DHX35: variants seen among roughly 807,000 people sequenced by gnomAD.
DHX35 encodes probable ATP-dependent RNA helicase DHX35.
A neutral mutation model predicts 99.6 loss-of-function variants in DHX35; 84 were observed. That is an observed-to-expected ratio of 0.84 (90% CI 0.71 to 1.01). The LOEUF is 1.01. Ranked by LOEUF, DHX35 falls within the 50% of genes least tolerant of loss-of-function variation. The probability of loss-of-function intolerance (pLI) is 0.00; values close to 1 mark genes in which losing one functional copy is unlikely to be tolerated. For missense variants in DHX35, 852 were observed against 888.5 expected (o/e 0.96, Z 0.52); for synonymous variants, 331 against 316.2 (o/e 1.05, Z -0.50).
intron 8 of DHX35, among the ~76,000 whole-genome samples, chr20:39,000,607 C>G (rs1182174790): frequency 6.6e-6 from 1 of 152,092 alleles, no homozygotes; most frequent in Non-Finnish European, 1.5e-5. Context: ...GTGGTTAAAT[C>G]CAGTTTACTC....
intron 14 of DHX35, among the ~76,000 whole-genome samples, chr20:39,018,050 G>A (rs1444436999): frequency 6.6e-6 from 1 of 152,170 alleles, no homozygotes. Context: ...CATTTACAAA[G>A]CTATCAGATC....
At chr20:38,970,653 C>G (rs1445653502) in intron 2 of DHX35, among the ~76,000 whole-genome samples, 1 of 152,118 alleles carries the variant, frequency 6.6e-6, no homozygotes, top group Non-Finnish European at 1.5e-5. Context: ...ACAGGAGCAC[C>G]TACCTCATAG....
intron 2 of DHX35, among the ~76,000 whole-genome samples, chr20:38,970,500 A>G (rs895305683): frequency 1.8e-4 from 27 of 152,230 alleles, no homozygotes; most frequent in Non-Finnish European, 3.8e-4. Flanking sequence ...CTTTCTCACC[A>G]CTGAGGGACA....
chr20:38,990,922 G>T (rs2086328030), intron 5 of DHX35, among the ~76,000 whole-genome samples: 2 of 152,162 alleles, frequency 1.3e-5, no homozygotes, highest in Non-Finnish European at 2.9e-5. Flanking sequence ...CTTGTCCAAG[G>T]TTCACACAGC....
At position 38,975,379 on chromosome 20, in the gene DHX35, T is replaced by C. The variant is rs79095044; in HGVS notation, c.267+2728T>C. Among the ~76,000 whole-genome samples, 31 of 152,370 alleles carry C rather than the reference T, an allele frequency of 2.0e-4. No individual in the cohort carries two copies. In the East Asian group the frequency reaches 4.2e-3, roughly 21 times the overall value. ...GTTAAATTACTGTGTGATTGTCATT[T>C]AGAGAGTAATATAACAATAGTATAA... On this transcript the variant is annotated intron_variant, in intron 3 of 21. Coordinates refer to ENST00000252011, the MANE Select transcript of DHX35 (RefSeq NM_021931.4).
At chr20:39,022,918 G>A (rs1180726164) in intron 16 of DHX35, among the ~76,000 whole-genome samples, 1 of 152,218 alleles carries the variant, frequency 6.6e-6, no homozygotes, top group Admixed American at 6.5e-5. Context: ...CAGAGAATTA[G>A]CAGCCTTATG....
intron 7 of DHX35, among the ~76,000 whole-genome samples, chr20:38,993,310 TA>T (rs1905544417): frequency 6.6e-6 from 1 of 152,200 alleles, no homozygotes; most frequent in African/African-American, 2.4e-5. Context: ...TAGAAGAAAG[TA>T]AAAAAATTCA....
At chr20:39,009,420 T>C (rs1232316538) in intron 12 of DHX35, among the ~76,000 whole-genome samples, 5 of 152,144 alleles carry the variant, frequency 3.3e-5, no homozygotes, top group East Asian at 3.8e-4. Flanking sequence ...TTTTTTTTTT[T>C]TCCTCTAGTT....
intron 15 of DHX35, among the ~76,000 whole-genome samples, 178 bp downstream of exon 15, chr20:39,019,077 C>T (rs1277386161): frequency 1.3e-5 from 2 of 152,120 alleles, no homozygotes; most frequent in East Asian, 3.8e-4. Context: ...ATACAAAGTA[C>T]GTTCACATTG....
chr20:38,969,240 T>C (rs747502020), intron 2 of DHX35, 26 bp downstream of exon 2: 5 of 1,594,634 alleles, frequency 3.1e-6, no homozygotes, highest in Non-Finnish European at 2.6e-6. Context: ...ATGTTCAACC[T>C]GTGGGCTTGA....
chr20:39,017,080 C>T (rs148012191), intron 14 of DHX35, among the ~76,000 whole-genome samples: 2 of 152,090 alleles, frequency 1.3e-5, no homozygotes, highest in African/African-American at 4.8e-5. Flanking sequence ...TCTTTTGTTA[C>T]GTGTGCCCTT....
chr20:38,972,456 C>A, intron 2 of DHX35, 103 bp from the exon 3 acceptor site: 1 of 730,412 alleles, frequency 1.4e-6, no homozygotes, highest in Non-Finnish European at 2.3e-6. Context: ...ACTTAAAATT[C>A]ACTTTCCTTT....
chr20:39,008,680 C>T (rs1381942436), intron 12 of DHX35, among the ~76,000 whole-genome samples: 1 of 152,204 alleles, frequency 6.6e-6, no homozygotes, highest in East Asian at 1.9e-4. Context: ...TTTCTCAAAC[C>T]ATCCAGGATT....
At chr20:38,974,340 A>T (rs192947861) in intron 3 of DHX35, among the ~76,000 whole-genome samples, 34 of 152,230 alleles carry the variant, frequency 2.2e-4, no homozygotes, top group East Asian at 1.4e-3. Context: ...AACAATTTAC[A>T]ATTTTAGCGT....
chr20:38,972,572 T>C lies in DHX35; in HGVS notation c.188T>C (p.Ile63Thr), dbSNP rs1262722499. Residue 63 changes from isoleucine (I) to threonine (T), a missense_variant, in exon 3 of 22, where the codon ATT becomes ACT. Coordinates refer to ENST00000252011, the MANE Select transcript of DHX35 (RefSeq NM_021931.4). ...KLPVFKLRNHILYLIENYQTV... is the reference protein window; with the variant it reads ...KLPVFKLRNHTLYLIENYQTV... ...ATTCTTTTTCAGCTTAGGAATCATATTTTATACTTGATAGAAAATTATCAG... is the reference window on the plus strand; with the variant it reads ...ATTCTTTTTCAGCTTAGGAATCATACTTTATACTTGATAGAAAATTATCAG... 1.1e-5 allele frequency: 18 copies of C among 1,610,024 alleles called. No individual in the cohort carries two copies. The highest frequency in any genetic ancestry group is 1.4e-5 in the Non-Finnish European group (16 of 1,176,576).
At chr20:39,017,778 T>G (rs1222116815) in intron 14 of DHX35, among the ~76,000 whole-genome samples, 1 of 152,206 alleles carries the variant, frequency 6.6e-6, no homozygotes, top group Non-Finnish European at 1.5e-5. Context: ...AGCAAAATGT[T>G]CAGGAGGCAG....
intron 14 of DHX35, among the ~76,000 whole-genome samples, chr20:39,015,505 T>C (rs1422872138): frequency 1.3e-5 from 2 of 148,232 alleles, no homozygotes; most frequent in Non-Finnish European, 3.0e-5. Context: ...CCAACCTTAA[T>C]AGCGTTTATC....
chr20:39,001,024 A>G (rs1452148667), intron 8 of DHX35, among the ~76,000 whole-genome samples: 1 of 152,144 alleles, frequency 6.6e-6, no homozygotes, highest in African/African-American at 2.4e-5. Context: ...AGCCCTCAAG[A>G]CAGGTCTCCT....
chr20:38,989,941 C>T (rs1375240693), intron 5 of DHX35, among the ~76,000 whole-genome samples: 1 of 152,172 alleles, frequency 6.6e-6, no homozygotes, highest in African/African-American at 2.4e-5. Flanking sequence ...ATCTCAGTTA[C>T]CTCTTAATTT....
Sources: gnomAD v4.1 joint callset for allele counts (sites outside exome capture counted in the v4.1 genomes callset) on GRCh38, gnomAD v4.1.1 for gene constraint, MANE v1.5 for transcripts, NCBI Gene and HGNC (gene_info 2026-07-23, HGNC 2026-07-21) for gene names.